Variants in COBLL1 observed in about 807,000 individuals in gnomAD.
COBLL1 encodes cordon-bleu WH2 repeat protein like 1, also known as cordon-bleu protein-like 1.
In COBLL1, 50 loss-of-function variants were observed where a neutral mutation model predicts 94.8. That is an observed-to-expected ratio of 0.53 (90% CI 0.42 to 0.67). The LOEUF is 0.67. COBLL1 is among the 30% of genes least tolerant of loss of function. COBLL1 has a pLI of 0.00. For missense variants in COBLL1, 1,362 were observed against 1,348.7 expected, an observed-to-expected ratio of 1.01 and a Z score of -0.15; for synonymous variants, 448 against 473.8, an observed-to-expected ratio of 0.95 and a Z score of 0.71.
intron 2 of COBLL1, among the ~76,000 whole-genome samples, chr2:164,761,619 T>C (rs1429453029): frequency 1.3e-5 from 2 of 152,202 alleles, no homozygotes; most frequent in African/African-American, 2.4e-5. Flanking sequence ...ATGTCTATTA[T>C]AGGCCTTTAT....
chr2:164,667,398 G>A (rs1016063605), intron 1 of COBLL1, among the ~76,000 whole-genome samples: 1 of 152,140 alleles, frequency 6.6e-6, no homozygotes, highest in Non-Finnish European at 1.5e-5. Flanking sequence ...CCCCTAACAA[G>A]AGAGTCAGCC....
intron 2 of COBLL1, among the ~76,000 whole-genome samples, chr2:164,797,341 C>A (rs1263418704): frequency 6.6e-6 from 1 of 152,130 alleles, no homozygotes; most frequent in African/African-American, 2.4e-5. Flanking sequence ...CTTTTTCACT[C>A]TAACTATTGT....
chr2:164,766,695 T>C (rs1418697708), intron 2 of COBLL1, among the ~76,000 whole-genome samples: 1 of 152,176 alleles, frequency 6.6e-6, no homozygotes, highest in Non-Finnish European at 1.5e-5. Flanking sequence ...ATACAGTATG[T>C]CATTCTTAAG....
intron 7 of COBLL1, 45 bp downstream of exon 7, chr2:164,722,030 C>A (rs1445444810): frequency 5.7e-6 from 8 of 1,409,282 alleles, no homozygotes; most frequent in Non-Finnish European, 7.8e-6. Flanking sequence ...ATAAATGGTA[C>A]ACTGCCTCAT....
At chr2:164,702,714 T>C (rs921785305) in intron 9 of COBLL1, among the ~76,000 whole-genome samples, 1 of 152,072 alleles carries the variant, frequency 6.6e-6, no homozygotes, top group Non-Finnish European at 1.5e-5. Context: ...GGCATGATCA[T>C]AGCTCACTGC....
Position 164,805,858 on chromosome 2 carries a change from T to C in COBLL1, c.41+35298A>G, listed in dbSNP as rs78335640. 2.8e-3 allele frequency among the ~76,000 whole-genome samples: 431 copies of C among 152,280 alleles called. 4 individuals carry two copies. The highest frequency in any genetic ancestry group is 9.8e-3 in the African/African-American group (408 of 41,570). On this transcript the variant is annotated intron_variant, in intron 2 of 13. Coordinates refer to ENST00000652658, the MANE Select transcript of COBLL1 (RefSeq NM_001365672.2). ...TTTGGGTAACTACTAAGGAACATGA[T>C]TGCTGGATCATATAGTAAGAACGTG...
chr2:164,814,696 G>C (rs1318709506), intron 2 of COBLL1, among the ~76,000 whole-genome samples: 1 of 152,114 alleles, frequency 6.6e-6, no homozygotes, highest in Non-Finnish European at 1.5e-5. Context: ...GGGGGAAAAA[G>C]ACAGAATTTG....
intron 2 of COBLL1, among the ~76,000 whole-genome samples, chr2:164,816,552 T>C (rs1184255315): frequency 6.6e-6 from 1 of 152,194 alleles, no homozygotes; most frequent in African/African-American, 2.4e-5. Flanking sequence ...GTTATCAAAA[T>C]AGCCCAGGCC....
chr2:164,841,948 C>A (rs1362533541), upstream of COBLL1: 2 of 1,535,370 alleles, frequency 1.3e-6, no homozygotes, highest in South Asian at 1.2e-5. The surrounding 1 kb of genome is among the most constrained non-coding windows in gnomAD (Gnocchi z 5.5). Flanking sequence ...AGCCCGCTCT[C>A]TCACTCACCC....
intron 2 of COBLL1, among the ~76,000 whole-genome samples, chr2:164,833,726 A>T (rs1347423182): frequency 6.6e-6 from 1 of 152,232 alleles, no homozygotes; most frequent in East Asian, 1.9e-4. Flanking sequence ...CTGGGATTAC[A>T]GGCGTAAGCC....
intron 2 of COBLL1, among the ~76,000 whole-genome samples, chr2:164,783,751 C>T (rs566943758): frequency 1.5e-4 from 23 of 151,946 alleles, no homozygotes; most frequent in African/African-American, 2.4e-4. Context: ...GAGGATAGCA[C>T]GAGCCAGGAG....
At chr2:164,838,123 G>A (rs904174710) in intron 2 of COBLL1, among the ~76,000 whole-genome samples, 1 of 152,122 alleles carries the variant, frequency 6.6e-6, no homozygotes, top group Non-Finnish European at 1.5e-5. Flanking sequence ...CCCTTTTAAG[G>A]CAGGGACTTC....
At chr2:164,805,349 A>C (rs867877592) in intron 2 of COBLL1, among the ~76,000 whole-genome samples, 3 of 110,004 alleles carry the variant, frequency 2.7e-5, no homozygotes, top group Non-Finnish European at 5.5e-5. Flanking sequence ...ATATATATAT[A>C]TATATATATA....
At chr2:164,755,854 T>TA (rs1043935901) in intron 2 of COBLL1, among the ~76,000 whole-genome samples, 9 of 152,166 alleles carry the variant, frequency 5.9e-5, no homozygotes, top group African/African-American at 1.9e-4. Context: ...CATGTATATA[T>TA]AAAAAATCAC....
At chr2:164,672,047 G>C (rs1249049409) in intron 1 of COBLL1, among the ~76,000 whole-genome samples, 1 of 152,208 alleles carries the variant, frequency 6.6e-6, no homozygotes, top group East Asian at 1.9e-4. Context: ...TGATAGAGGT[G>C]TACGCTGGTA....
Position 164,725,135 on chromosome 2 carries a change from A to ATATATATATATATATATATATATAT in COBLL1, c.662-2614_662-2613insATATATATATATATATATATATATA, listed in dbSNP as rs1558956204. The ATATATATATATATATATATATATAT allele has an allele frequency of 2.4e-4, 14 of 57,176 alleles. 1 individual carries two copies. The highest frequency in any genetic ancestry group is 1.0e-3 in the African/African-American group (13 of 12,826). The allele number at this position is 57,176 out of a possible 1,614,324, so 3.5% of individuals were successfully genotyped here. ...ATATATATATATATATATATATATA[A>ATATATATATATATATATATATATAT]AATGAAAGCAGTGGTATTACTCCAT... On this transcript the variant is annotated intron_variant, in intron 5 of 13. Coordinates refer to ENST00000652658, the MANE Select transcript of COBLL1 (RefSeq NM_001365672.2).
At chr2:164,839,852 G>A (rs755755167) in intron 2 of COBLL1, among the ~76,000 whole-genome samples, 30 of 152,284 alleles carry the variant, frequency 2.0e-4, no homozygotes, top group Admixed American at 5.2e-4. Context: ...TTTAAGCAAT[G>A]AAAAACCTGG....
chr2:164,835,603 C>T (rs1683283706), intron 2 of COBLL1, among the ~76,000 whole-genome samples: 1 of 152,116 alleles, frequency 6.6e-6, no homozygotes, highest in Admixed American at 6.5e-5. Context: ...ATGTGCTTAA[C>T]ACCACTGAAC....
intron 13 of COBLL1, chr2:164,687,354 G>C: frequency 1.4e-6 from 1 of 709,024 alleles, no homozygotes; most frequent in Non-Finnish European, 2.5e-6. Flanking sequence ...ACAGCCATAT[G>C]AGCCACTTCT....
Sources: gnomAD v4.1 joint callset for allele counts (sites outside exome capture counted in the v4.1 genomes callset) on GRCh38, gnomAD v4.1.1 for gene constraint, Gnocchi (gnomAD v3.1) non-coding constraint, MANE v1.5 for transcripts, NCBI Gene and HGNC (gene_info 2026-07-23, HGNC 2026-07-21) for gene names.